The following UTRN variants were observed in gnomAD, a reference collection of about 807,000 sequenced individuals.
UTRN encodes the protein dystrophin-related protein 1.
UTRN carries 283 observed loss-of-function variants against 463.9 expected under a neutral mutation model. That is an observed-to-expected ratio of 0.61 (90% CI 0.55 to 0.67). UTRN has a LOEUF of 0.67. UTRN is among the 30% of genes least tolerant of loss of function. The pLI is 0.00. For synonymous variants in UTRN, 1,442 were observed against 1,431.5 expected, an observed-to-expected ratio of 1.01 and a Z score of -0.17; for missense variants, 3,922 against 4,084.3, an observed-to-expected ratio of 0.96 and a Z score of 1.08.
chr6:144,525,782 A>C (rs930893276), intron 41 of UTRN, among the ~76,000 whole-genome samples: 1 of 150,342 alleles, frequency 6.7e-6, no homozygotes, highest in Non-Finnish European at 1.5e-5. Flanking sequence ...TAGATTGTCT[A>C]TTTGTGCTCT....
chr6:144,509,803 G>C (rs1795025280), intron 34 of UTRN, among the ~76,000 whole-genome samples: 1 of 151,742 alleles, frequency 6.6e-6, no homozygotes, highest in African/African-American at 2.4e-5. Flanking sequence ...CTTTTTTACT[G>C]TAAAAAAGTA....
rs57721924 is a variant in UTRN at position 144,406,356 on chromosome 6, C to CTT, written c.141+3192_141+3193dup. Among the ~76,000 whole-genome samples the CTT allele has an allele frequency of 2.3e-3, 283 of 125,498 alleles. 2 individuals carry two copies. Among genetic ancestry groups the CTT allele is most frequent in the African/African-American group, 4.7e-3 (142 of 30,258 alleles). 82.3% of individuals were successfully genotyped at this position (125,498 alleles called of 152,430 possible). On this transcript the variant is annotated intron_variant, in intron 3 of 74. Coordinates refer to ENST00000367545, the MANE Select transcript of UTRN (RefSeq NM_007124.3). The stretch of plus-strand genomic sequence containing the variant: ...TCTCCCTTTCCTTTTTTTTTCTTTT[C>CTT]TTTTTTTTTTTTTTTTTTTTTGAGA...
chr6:144,514,501 G>C, intron 36 of UTRN, 149 bp from the exon 37 acceptor site: 1 of 785,072 alleles, frequency 1.3e-6, no homozygotes, highest in Non-Finnish European at 2.0e-6. Flanking sequence ...AGTCCTATGT[G>C]AACAGCTCTC....
intron 45 of UTRN, among the ~76,000 whole-genome samples, chr6:144,542,571 G>A (rs1258394836): frequency 6.6e-6 from 1 of 152,144 alleles, no homozygotes; most frequent in Non-Finnish European, 1.5e-5. Flanking sequence ...TGGTGCACAG[G>A]GGTCAGGACA....
chr6:144,557,013 AC>A, intron 49 of UTRN, 143 bp from the exon 50 acceptor site: 1 of 1,025,256 alleles, frequency 9.8e-7, no homozygotes, highest in Non-Finnish European at 1.3e-6. Context: ...CTTACATATA[AC>A]AAAAGGGTTT....
intron 51 of UTRN, among the ~76,000 whole-genome samples, chr6:144,662,223 G>A (rs372751999): frequency 4.6e-5 from 7 of 152,008 alleles, no homozygotes; most frequent in African/African-American, 9.7e-5. Flanking sequence ...AATCCTTTGC[G>A]TATTCTTACA....
intron 2 of UTRN, among the ~76,000 whole-genome samples, chr6:144,293,115 G>T (rs764771074): frequency 5.9e-5 from 9 of 152,048 alleles, no homozygotes; most frequent in Non-Finnish European, 1.0e-4. Flanking sequence ...TGTTTTAGTG[G>T]TATAAGGTAC....
chr6:144,814,343 G>A (rs1450313160), intron 65 of UTRN, among the ~76,000 whole-genome samples: 1 of 151,568 alleles, frequency 6.6e-6, no homozygotes, highest in African/African-American at 2.4e-5. Flanking sequence ...GGACTTGCCA[G>A]TCTCCAGAAC....
At chr6:144,556,099 C>T (rs1309063239) in intron 49 of UTRN, among the ~76,000 whole-genome samples, 2 of 152,008 alleles carry the variant, frequency 1.3e-5, no homozygotes, top group Non-Finnish European at 2.9e-5. Flanking sequence ...ATAAAATATT[C>T]TTGAATTGGA....
intron 2 of UTRN, among the ~76,000 whole-genome samples, chr6:144,399,610 A>T (rs540392962): frequency 7.2e-5 from 11 of 152,098 alleles, no homozygotes; most frequent in African/African-American, 2.7e-4. Flanking sequence ...CCAACTGGAC[A>T]CTCTTAAATT....
intron 2 of UTRN, among the ~76,000 whole-genome samples, chr6:144,363,854 A>G (rs944241876): frequency 1.3e-5 from 2 of 152,222 alleles, no homozygotes; most frequent in African/African-American, 2.4e-5. Context: ...AATAGGGGGT[A>G]GCTATAAAAA....
chr6:144,669,559 A>G lies in UTRN; in HGVS notation c.7480-8847A>G, dbSNP rs1197686769. ...AACATTTTTATACATAAGTCTTCTT[A>G]AGTTAGATAATTTTAACATTTTTAT... On this transcript the variant is annotated intron_variant, in intron 51 of 74. Coordinates refer to ENST00000367545, the MANE Select transcript of UTRN (RefSeq NM_007124.3). 1.5e-4 allele frequency among the ~76,000 whole-genome samples: 23 copies of G among 152,180 alleles called. 2 individuals are homozygous for G. Among genetic ancestry groups the G allele is most frequent in the Admixed American group, 1.5e-3 (23 of 15,264 alleles).
At chr6:144,610,159 A>C (rs1445665123) in intron 51 of UTRN, among the ~76,000 whole-genome samples, 2 of 151,752 alleles carry the variant, frequency 1.3e-5, no homozygotes, top group African/African-American at 4.8e-5. Context: ...TTTTTGAAAA[A>C]AAAAAAATCA....
In UTRN at chr6:144,459,298, G is replaced by A. The variant is rs773139518; in HGVS notation, c.2651G>A (p.Gly884Asp). Residue 884 changes from glycine to aspartate, a missense_variant, in exon 21 of 75, where the codon GGC becomes GAC. Gly to Asp is a moderately conservative substitution (Grantham distance 94). Coordinates refer to ENST00000367545, the MANE Select transcript of UTRN (RefSeq NM_007124.3). The stretch of plus-strand genomic sequence containing the variant: ...CAGCGGGGCTTCGATAGCTTTCTGG[G>A]CCGCTACCAAGCTGTACAAGAGGCT... ...FVQRGFDSFL[G>D]RYQAVQEAVE... 5 of 1,614,028 alleles carry A rather than the reference G, an allele frequency of 3.1e-6. No homozygotes were observed. The East Asian group carries it at 8.9e-5, about 29-fold the overall frequency.
intron 43 of UTRN, among the ~76,000 whole-genome samples, chr6:144,535,576 A>G (rs894621594): frequency 6.6e-6 from 1 of 152,176 alleles, no homozygotes; most frequent in Non-Finnish European, 1.5e-5. Flanking sequence ...CCAACAGCTT[A>G]TATTTTGACT....
intron 23 of UTRN, among the ~76,000 whole-genome samples, chr6:144,464,875 T>C (rs1317579302): frequency 1.3e-5 from 2 of 152,234 alleles, no homozygotes; most frequent in East Asian, 3.8e-4. Flanking sequence ...AAAATGAGCA[T>C]TGGCCTTTTC....
chr6:144,599,805 C>G (rs1804050609), intron 51 of UTRN, among the ~76,000 whole-genome samples: 1 of 152,080 alleles, frequency 6.6e-6, no homozygotes, highest in Non-Finnish European at 1.5e-5. Flanking sequence ...CAGGCATACC[C>G]CCATCTTATC....
chr6:144,438,797 G>A lies in UTRN; in HGVS notation c.1294G>A (p.Ala432Thr), dbSNP rs144323098. 67 of 1,614,190 alleles carry A rather than the reference G, an allele frequency of 4.2e-5. No individual in the cohort carries two copies. Among genetic ancestry groups the A allele is most frequent in the African/African-American group, 3.7e-4 (28 of 75,046 alleles). ...LQKKQLQQLS[A>T]WLTLTEERIQ... ...GAAGAAGCAACTGCAGCAGCTCTCC[G>A]CCTGGTTAACACTCACAGAGGAGCG... Residue 432 changes from alanine to threonine, a missense_variant, in exon 12 of 75, where the codon GCC (alanine) becomes ACC (threonine). This residue lies in a region of UTRN where 2,349 missense variants were observed against 2,303.8 expected (regional missense o/e 1.02). Coordinates refer to ENST00000367545, the MANE Select transcript of UTRN (RefSeq NM_007124.3).
At chr6:144,828,726 G>A in intron 68 of UTRN, 64 bp from the exon 69 acceptor site, 1 of 1,440,044 alleles carries the variant, frequency 6.9e-7, no homozygotes, top group Non-Finnish European at 9.8e-7. Flanking sequence ...GATTAAGGAT[G>A]TACGTCCAAT....
Sources: gnomAD v4.1 joint callset for allele counts (sites outside exome capture counted in the v4.1 genomes callset) on GRCh38, gnomAD v4.1.1 for gene constraint, gnomAD v4.1.1 regional missense constraint, MANE v1.5 for transcripts, NCBI Gene and HGNC (gene_info 2026-07-23, HGNC 2026-07-21) for gene names.